The following IQSEC1 variants were observed in gnomAD, a reference collection of about 807,000 sequenced individuals.
IQSEC1 encodes IQ motif and Sec7 domain ArfGEF 1.
IQSEC1 carries 31 observed loss-of-function variants against 91.0 expected under a neutral mutation model. That is an observed-to-expected ratio of 0.34 (90% CI 0.26 to 0.46). The LOEUF (loss-of-function observed/expected upper bound fraction) is 0.46, where lower values mean the gene tolerates loss of function less well. Ranked by LOEUF, IQSEC1 falls within the 20% of genes least tolerant of loss-of-function variation. The pLI is 1.00. For missense variants in IQSEC1, 1,388 were observed against 1,575.6 expected (o/e 0.88, Z 2.02); for synonymous variants, 699 against 662.6 (o/e 1.05, Z -0.84).
chr3:13,274,164 C>T (rs61342581), intron 1 of IQSEC1, among the ~76,000 whole-genome samples: 11,118 of 152,274 alleles, frequency 0.073, 575 homozygotes, highest in African/African-American at 0.14. Flanking sequence ...GGCCCTGCAG[C>T]CCATCCGTGA....
intron 1 of IQSEC1, among the ~76,000 whole-genome samples, chr3:13,062,134 C>A (rs189028921): frequency 6.6e-6 from 1 of 152,178 alleles, no homozygotes; most frequent in Admixed American, 6.5e-5. Flanking sequence ...ACGGAAATCC[C>A]TTTGACTTGA....
chr3:13,039,557 C>T (rs934508342), intron 1 of IQSEC1, among the ~76,000 whole-genome samples: 8 of 152,168 alleles, frequency 5.3e-5, no homozygotes, highest in African/African-American at 1.4e-4. Context: ...TGAGGACAGC[C>T]GCTTGCAAAG....
At chr3:13,201,402 C>T (rs947140130) in intron 1 of IQSEC1, among the ~76,000 whole-genome samples, 3 of 152,244 alleles carry the variant, frequency 2.0e-5, no homozygotes, top group African/African-American at 7.2e-5. Flanking sequence ...GCGATCATAG[C>T]TCACTGCAGC....
chr3:13,136,233 C>CA (rs1403463634), intron 2 of IQSEC1, among the ~76,000 whole-genome samples: 1 of 152,214 alleles, frequency 6.6e-6, no homozygotes, highest in African/African-American at 2.4e-5. Context: ...GATGCAAGGA[C>CA]AACTGCGTGT....
chr3:12,969,796 G>A (rs1429227783), intron 1 of IQSEC1, among the ~76,000 whole-genome samples: 2 of 152,230 alleles, frequency 1.3e-5, no homozygotes, highest in Non-Finnish European at 2.9e-5. Flanking sequence ...GATTTAGAAG[G>A]GGATTGAATT....
intron 1 of IQSEC1, among the ~76,000 whole-genome samples, chr3:12,943,255 C>T (rs930464649): frequency 2.6e-5 from 4 of 152,182 alleles, no homozygotes; most frequent in African/African-American, 7.2e-5. Flanking sequence ...AATGTGCACA[C>T]ATTTCTCTGA....
intron 2 of IQSEC1, among the ~76,000 whole-genome samples, chr3:13,080,668 C>A (rs1248669565): frequency 6.6e-6 from 1 of 152,122 alleles, no homozygotes; most frequent in Non-Finnish European, 1.5e-5. Flanking sequence ...CATCCTTACC[C>A]ACAGCTGCCC....
chr3:13,077,235 C>T (rs374156267), upstream of IQSEC1, among the ~76,000 whole-genome samples: 32 of 152,192 alleles, frequency 2.1e-4, 2 homozygotes, highest in East Asian at 3.1e-3. Context: ...TGCCAAAAGG[C>T]ATAAAGATGA....
chr3:13,061,895 A>G (rs1355047013), intron 1 of IQSEC1, among the ~76,000 whole-genome samples: 1 of 152,200 alleles, frequency 6.6e-6, no homozygotes, highest in African/African-American at 2.4e-5. Flanking sequence ...GCCAAGTGAC[A>G]AAGAGGCTGG....
At chr3:13,020,259 G>A (rs1703338944) in intron 1 of IQSEC1, among the ~76,000 whole-genome samples, 1 of 152,136 alleles carries the variant, frequency 6.6e-6, no homozygotes, top group Admixed American at 6.5e-5. Context: ...CTGGGGCAGG[G>A]GCAGGGGCAG....
At chr3:12,933,021 G>A (rs1458327180) in intron 3 of IQSEC1, among the ~76,000 whole-genome samples, 5 of 152,376 alleles carry the variant, frequency 3.3e-5, no homozygotes, top group East Asian at 1.9e-4. Context: ...TAAAGGGGGC[G>A]TCCCCCCAGA....
At chr3:12,944,118 G>A (rs116269875) in intron 1 of IQSEC1, among the ~76,000 whole-genome samples, 1 of 152,136 alleles carries the variant, frequency 6.6e-6, no homozygotes, top group Non-Finnish European at 1.5e-5. Context: ...TCAGTAACAC[G>A]GTGGGCTGGA....
In IQSEC1 at chr3:12,899,847, T is replaced by C. The variant is rs1694050042; in HGVS notation, c.*1136A>G. On this transcript the variant is annotated 3_prime_UTR_variant, in exon 14 of 14. Coordinates refer to ENST00000613206, the MANE Select transcript of IQSEC1 (RefSeq NM_001134382.3). ...GAGGCGGGATGAGGACGTTATGGTG[T>C]TGGGGAGACGAGGATGAGAGCTGGT... 1 of 985,152 alleles carries C rather than the reference T, an allele frequency of 1.0e-6. No homozygotes were observed. The highest frequency in any genetic ancestry group is 1.2e-6 in the Non-Finnish European group (1 of 829,862). The allele number at this position is 985,152 out of a possible 1,614,324, so 61.0% of individuals were successfully genotyped here. A position where few individuals can be genotyped will look rare whatever the true frequency, so the allele number is the denominator to read the frequency against.
intron 2 of IQSEC1, among the ~76,000 whole-genome samples, chr3:13,128,067 T>C (rs1469247161): frequency 6.6e-6 from 1 of 152,244 alleles, no homozygotes; most frequent in Non-Finnish European, 1.5e-5. Context: ...TCATTATTTA[T>C]AGATTCCTTG....
rs1187193283 is a variant in IQSEC1 at position 13,158,466 on chromosome 3, T to TA, written c.302+5637dup. ...GAAAACTGGATTTGTTTGGACTAAT[T>TA]ACGTTTACTCACACATCTTGGTTCC... On this transcript the variant is annotated intron_variant, in intron 2 of 15. Coordinates refer to the IQSEC1 transcript ENST00000648114. 2.6e-5 allele frequency among the ~76,000 whole-genome samples: 4 copies of TA among 152,186 alleles called. No homozygotes were observed. In the South Asian group the frequency reaches 8.3e-4, roughly 32 times the overall value.
chr3:13,251,970 A>C (rs1321118488), intron 1 of IQSEC1, among the ~76,000 whole-genome samples: 1 of 152,228 alleles, frequency 6.6e-6, no homozygotes, highest in East Asian at 1.9e-4. Context: ...GCAGCAGCAG[A>C]GCAAACCCAG....
In IQSEC1 at chr3:13,091,030, C is replaced by T. The variant is rs117268580; in HGVS notation, c.303-43508G>A. Among the ~76,000 whole-genome samples, 17 of 152,258 alleles carry T rather than the reference C, an allele frequency of 1.1e-4. No homozygotes were observed. In the East Asian group the frequency reaches 3.1e-3, roughly 28 times the overall value. On this transcript the variant is annotated intron_variant, in intron 2 of 15. Coordinates refer to the IQSEC1 transcript ENST00000648114. ...TTGGCTGGCCTGGCCTCCTCCTCAC[C>T]GCCCACACTCCTCTGCCCTGATGAC...
intron 2 of IQSEC1, among the ~76,000 whole-genome samples, chr3:13,117,289 GA>G (rs34963745): frequency 2.8e-4 from 34 of 121,386 alleles, no homozygotes; most frequent in South Asian, 8.1e-4. Flanking sequence ...CAGGTCATTA[GA>G]AAAAAAAAAA....
intron 2 of IQSEC1, among the ~76,000 whole-genome samples, chr3:13,094,899 T>G (rs1425051253): frequency 6.6e-6 from 1 of 152,150 alleles, no homozygotes; most frequent in Non-Finnish European, 1.5e-5. Flanking sequence ...CGATGGACCA[T>G]GGACACAGAC....
Sources: gnomAD v4.1 joint callset for allele counts (sites outside exome capture counted in the v4.1 genomes callset) on GRCh38, gnomAD v4.1.1 for gene constraint, MANE v1.5 for transcripts, NCBI Gene and HGNC (gene_info 2026-07-23, HGNC 2026-07-21) for gene names.